Variants in MOB3A observed in about 807,000 individuals in gnomAD.
MOB3A encodes the protein MOB kinase activator 3A.
Under a neutral mutation model 17.8 loss-of-function variants are expected in MOB3A, and 17 were observed. That is an observed-to-expected ratio of 0.95 (90% CI 0.65 to 1.43). MOB3A has a LOEUF of 1.43. Among genes scored for constraint, MOB3A ranks in the 40% most tolerant of loss-of-function variants. The pLI is 0.00. For synonymous variants in MOB3A, 124 were observed against 133.2 expected, an observed-to-expected ratio of 0.93 and a Z score of 0.48; for missense variants, 333 against 310.8, an observed-to-expected ratio of 1.07 and a Z score of -0.54.
intron 1 of MOB3A, among the ~76,000 whole-genome samples, chr19:2,090,474 G>C (rs1434749123): frequency 6.6e-6 from 1 of 151,994 alleles, no homozygotes. Flanking sequence ...GGAACTCCTG[G>C]CATGGAGTGG....
At chr19:2,084,240 C>A (rs1441520801) in intron 2 of MOB3A, 2 of 452,060 alleles carry the variant, frequency 4.4e-6, no homozygotes, top group Non-Finnish European at 4.5e-6. Context: ...TGCCTGTAAT[C>A]CCTGCACTTT....
chr19:2,078,652 C>T lies in MOB3A; in HGVS notation c.-92G>A. On this transcript the variant is annotated 5_prime_UTR_variant, in exon 3 of 5. Transcript: ENST00000357066. ...CCAACCCGAGAGGCCACGAAACACT[C>T]ACCAAGCCCCACAGCTCTCCCGCGG... The T allele has an allele frequency of 8.1e-7, 1 of 1,241,094 alleles. No individual in the cohort carries two copies. Among genetic ancestry groups the T allele is most frequent in the Non-Finnish European group, 1.1e-6 (1 of 898,216 alleles). The allele number at this position is 1,241,094 out of a possible 1,614,324, so 76.9% of individuals were successfully genotyped here.
chr19:2,073,186 C>T lies in MOB3A; in HGVS notation c.*209G>A. 1.6e-6 allele frequency: 1 copy of T among 643,200 alleles called. No individual in the cohort carries two copies. The highest frequency in any genetic ancestry group is 4.4e-4 in the Middle Eastern group (1 of 2,280). 39.8% of individuals were successfully genotyped at this position (643,200 alleles called of 1,614,324 possible). ...GAATTACAGAGTTCACGTTTTAGTC[C>T]CAGACGGGAGACTGAGGCTCGAGAC... is the stretch of plus-strand genomic sequence containing the variant. On this transcript the variant is annotated 3_prime_UTR_variant, in exon 5 of 5. Coordinates refer to ENST00000357066, the MANE Select transcript of MOB3A (RefSeq NM_130807.3).
At position 2,078,488 on chromosome 19, in the gene MOB3A, C is replaced by T. The variant is rs1270358475; in HGVS notation, c.73G>A (p.Gly25Ser). 6.2e-7 allele frequency: 1 copy of T among 1,608,694 alleles called. No homozygotes were observed. The highest frequency in any genetic ancestry group is 8.5e-7 in the Non-Finnish European group (1 of 1,176,092). The change falls in exon 3 of 5, where the codon GGC becomes AGC. Residue 25 changes from glycine (G) to serine (S), a missense_variant. Transcript: ENST00000357066. ...TFRPKRKFEP[G>S]TQRFELHKKA... ...TTGTGCAGCTCGAAGCGCTGGGTGC[C>T]TGGCTCAAACTTGCGCTTGGGGCGG...
rs531555105 is a variant in MOB3A, at chr19:2,073,030, G to A, written c.*365C>T. On this transcript the variant is annotated 3_prime_UTR_variant, in exon 5 of 5. Coordinates refer to ENST00000357066, the MANE Select transcript of MOB3A (RefSeq NM_130807.3). ...AGCAGCCCTGGGGGCTCCCCAGCGA[G>A]GTGGAGGCAGAAGTTCCAGGAGCCT... 1.8e-4 allele frequency: 55 copies of A among 300,174 alleles called. No homozygotes were observed. Among genetic ancestry groups the A allele is most frequent in the African/African-American group, 1.2e-3 (53 of 46,078 alleles). The allele number at this position is 300,174 out of a possible 1,614,324, so 18.6% of individuals were successfully genotyped here.
rs970847361 is a variant in MOB3A at position 2,093,898 on chromosome 19, G to C, written c.-274+2328C>G. Among the ~76,000 whole-genome samples the C allele has an allele frequency of 1.3e-5, 2 of 151,978 alleles. No individual in the cohort carries two copies. Among genetic ancestry groups the C allele is most frequent in the Admixed American group, 1.3e-4 (2 of 15,238 alleles). On this transcript the variant is annotated intron_variant, in intron 1 of 4. Transcript: ENST00000357066. The surrounding 1 kb of genome is among the most constrained non-coding windows in gnomAD (Gnocchi z 4.6). The stretch of plus-strand genomic sequence containing the variant: ...CTTTCTTAGTTCTCACTCTGTAATC[G>C]GTAGATCTCAGTGAGTTCTAATAAA...
intron 4 of MOB3A, among the ~76,000 whole-genome samples, chr19:2,075,320 T>A (rs375100924): frequency 6.6e-6 from 1 of 152,182 alleles, no homozygotes; most frequent in South Asian, 2.1e-4. Context: ...GGGAGCCACC[T>A]CGTCCGTCCA....
chr19:2,087,600 A>C lies in MOB3A; in HGVS notation c.-273-2272T>G, dbSNP rs541657508. On this transcript the variant is annotated intron_variant, in intron 1 of 4. Transcript: ENST00000357066. Reference sequence around the variant, plus strand: ...AGCCCAGGAGATCAAGGCTGCAGTGAGCTATGATTGTGCCACTGCACTGCA... The same window carrying C: ...AGCCCAGGAGATCAAGGCTGCAGTGCGCTATGATTGTGCCACTGCACTGCA... Among the ~76,000 whole-genome samples, 194 of 152,298 alleles carry C rather than the reference A, an allele frequency of 1.3e-3. 1 individual carries two copies. Among genetic ancestry groups the C allele is most frequent in the African/African-American group, 4.2e-3 (176 of 41,562 alleles).
chr19:2,082,384 T>TG lies in MOB3A; in HGVS notation c.-120+2790dup, dbSNP rs1647652156. Among the ~76,000 whole-genome samples the TG allele has an allele frequency of 6.6e-6, 1 of 152,218 alleles. No individual in the cohort carries two copies. Among genetic ancestry groups the TG allele is most frequent in the Non-Finnish European group, 1.5e-5 (1 of 68,036 alleles). The stretch of plus-strand genomic sequence containing the variant: ...CCCCAAGTTATGACAACCACAGATG[T>TG]GCCCAGACATCACCCAGTGTCCCTT... On this transcript the variant is annotated intron_variant, in intron 2 of 4. Transcript: ENST00000357066. The surrounding 1 kb of genome is among the most constrained non-coding windows in gnomAD (Gnocchi z 4.1).
At chr19:2,073,637 T>C (rs918078614) in intron 4 of MOB3A, among the ~76,000 whole-genome samples, 1 of 152,176 alleles carries the variant, frequency 6.6e-6, no homozygotes, top group East Asian at 1.9e-4. Flanking sequence ...TTCAGATCTG[T>C]GGGCCAGACG....
intron 4 of MOB3A, among the ~76,000 whole-genome samples, chr19:2,076,111 A>C (rs1008453748): frequency 7.4e-6 from 1 of 135,030 alleles, no homozygotes; most frequent in Non-Finnish European, 1.6e-5. Context: ...TGAGGGAGGC[A>C]GACTCCATCT....
At chr19:2,092,870 G>T (rs898755075) in intron 1 of MOB3A, among the ~76,000 whole-genome samples, 2 of 151,998 alleles carry the variant, frequency 1.3e-5, no homozygotes, top group Non-Finnish European at 2.9e-5. Context: ...GTGCAGCCAG[G>T]CACACGCTGG....
At chr19:2,074,211 T>G (rs1186242943) in intron 4 of MOB3A, among the ~76,000 whole-genome samples, 1 of 152,122 alleles carries the variant, frequency 6.6e-6, no homozygotes, top group African/African-American at 2.4e-5. Context: ...GGGGAATCAC[T>G]TGAACCTGTG....
In MOB3A at chr19:2,078,332, C is replaced by T. The variant is rs762298832; in HGVS notation, c.229G>A (p.Gly77Ser). The change falls in exon 3 of 5, where the codon GGC becomes AGC. Residue 77 changes from glycine (G) to serine (S), a missense_variant. Gly to Ser is a moderately conservative substitution (Grantham distance 56, BLOSUM62 0). Transcript: ENST00000357066. The stretch of plus-strand genomic sequence containing the variant: ...TCCGTGCAGCCGTCGCTGATGGTGC[C>T]GTAGATGAGGTTGACGCGGTTAAAG... ...DFFNRVNLIY[G>S]TISDGCTEQS... 15 of 1,614,180 alleles carry T rather than the reference C, an allele frequency of 9.3e-6. No homozygotes were observed. Among genetic ancestry groups the T allele is most frequent in the Non-Finnish European group, 1.2e-5 (14 of 1,180,040 alleles).
Position 2,076,971 on chromosome 19 carries a change from A to G in MOB3A, c.464T>C (p.Ile155Thr), listed in dbSNP as rs543937620. 5 of 1,613,890 alleles carry G rather than the reference A, an allele frequency of 3.1e-6. No individual in the cohort carries two copies. The South Asian group carries it at 5.5e-5, about 18-fold the overall frequency. Residue 155 changes from isoleucine to threonine, a missense_variant, in exon 4 of 5, where the codon ATC becomes ACC. Ile to Thr is a moderately conservative substitution (Grantham distance 89). Transcript: ENST00000357066. The stretch of plus-strand genomic sequence containing the variant: ...GAACACGCGGAACAGCCGCGACAGG[A>G]TCTTCCGCACCGTCTGCAGGAAGTT... ...PKNFLQTVRKILSRLFRVFVH... is the reference protein window; with the variant it reads ...PKNFLQTVRKTLSRLFRVFVH...
At position 2,078,348 on chromosome 19, in the gene MOB3A, G is replaced by A. The variant is rs374821836; in HGVS notation, c.213C>T (p.Arg71=). 8.1e-6 allele frequency: 13 copies of A among 1,612,310 alleles called. No individual in the cohort carries two copies. The highest frequency in any genetic ancestry group is 3.3e-5 in the Admixed American group (2 of 59,988). ...TGATGGTGCCGTAGATGAGGTTGACGCGGTTAAAGAAGTCCACCACGTGAA... is the reference window on the plus strand; with the variant it reads ...TGATGGTGCCGTAGATGAGGTTGACACGGTTAAAGAAGTCCACCACGTGAA... The part of the protein sequence containing the change: ...VAVHVVDFFN[R]VNLIYGTISD... The change falls in exon 3 of 5, where the codon CGC becomes CGT. Residue 71 remains arginine, a synonymous_variant. Transcript: ENST00000357066.
intron 1 of MOB3A, among the ~76,000 whole-genome samples, chr19:2,092,519 G>A (rs1462187657): frequency 6.6e-6 from 1 of 152,102 alleles, no homozygotes; most frequent in Non-Finnish European, 1.5e-5. Flanking sequence ...GCTTACGCCT[G>A]TAATCCCAGC....
At chr19:2,075,097 C>T (rs766052870) in intron 4 of MOB3A, among the ~76,000 whole-genome samples, 4 of 151,350 alleles carry the variant, frequency 2.6e-5, no homozygotes, top group Non-Finnish European at 4.4e-5. Context: ...GGCGTGATCT[C>T]GGCTTACTGC....
At chr19:2,095,373 G>T (rs560047204) in intron 1 of MOB3A, 2 of 152,136 alleles carry the variant, frequency 1.3e-5, no homozygotes, top group African/African-American at 2.4e-5. Context: ...TTCGCTGCAG[G>T]GAGGAGGGGC....
Sources: allele counts gnomAD v4.1 joint callset (sites outside exome capture counted in the v4.1 genomes callset), GRCh38; gene constraint gnomAD v4.1.1; non-coding constraint Gnocchi (gnomAD v3.1); transcripts MANE v1.5; gene names NCBI Gene and HGNC (gene_info 2026-07-23, HGNC 2026-07-21).